Variants in MAGI2 observed in about 807,000 individuals in gnomAD.
MAGI2 encodes membrane associated guanylate kinase, WW and PDZ domain containing 2.
A neutral mutation model predicts 133.3 loss-of-function variants in MAGI2; 35 were observed. The observed-to-expected ratio is 0.26, with a 90% confidence interval of 0.20 to 0.35. The LOEUF is 0.35. Among genes scored for constraint, MAGI2 ranks in the 10% least tolerant of loss-of-function variants. MAGI2 has a pLI of 1.00. For missense variants in MAGI2, 1,636 were observed against 1,863.4 expected (o/e 0.88, Z 2.25); for synonymous variants, 729 against 710.6 (o/e 1.03, Z -0.41).
intron 3 of MAGI2, among the ~76,000 whole-genome samples, chr7:78,600,994 CT>C (rs1420526015): frequency 6.6e-6 from 1 of 152,086 alleles, no homozygotes; most frequent in African/African-American, 2.4e-5. Flanking sequence ...TGCTACTTAA[CT>C]TTTAAAAATA....
chr7:78,826,214 T>C (rs539740179), intron 2 of MAGI2, among the ~76,000 whole-genome samples: 26 of 150,808 alleles, frequency 1.7e-4, no homozygotes, highest in Non-Finnish European at 2.5e-4. Flanking sequence ...ATTAGCCAGG[T>C]GTGGTGGCAG....
At chr7:78,324,863 G>A (rs1310103325) in intron 9 of MAGI2, among the ~76,000 whole-genome samples, 1 of 152,184 alleles carries the variant, frequency 6.6e-6, no homozygotes, top group African/African-American at 2.4e-5. Flanking sequence ...CTACTTGGGA[G>A]GCTGAGGCAG....
intron 2 of MAGI2, among the ~76,000 whole-genome samples, chr7:78,855,058 T>C (rs1454700390): frequency 6.6e-6 from 1 of 151,978 alleles, no homozygotes; most frequent in Non-Finnish European, 1.5e-5. Flanking sequence ...GGTTTCGCCA[T>C]GTTGCCAGGC....
chr7:79,248,504 A>G (rs555828152), intron 1 of MAGI2, among the ~76,000 whole-genome samples: 77 of 152,286 alleles, frequency 5.1e-4, no homozygotes, highest in Non-Finnish European at 9.7e-4. Context: ...AATCTGCACT[A>G]TAGACCGAAT....
chr7:79,004,824 T>C (rs1349312818), intron 2 of MAGI2, among the ~76,000 whole-genome samples: 1 of 152,208 alleles, frequency 6.6e-6, no homozygotes, highest in Admixed American at 6.5e-5. Context: ...GGCTCACGCC[T>C]GTAATCCCAA....
intron 6 of MAGI2, among the ~76,000 whole-genome samples, chr7:78,434,737 T>C (rs1800118271): frequency 6.6e-6 from 1 of 151,930 alleles, no homozygotes; most frequent in African/African-American, 2.4e-5. Flanking sequence ...AAACTGAAAA[T>C]ATTGGAGATA....
intron 3 of MAGI2, among the ~76,000 whole-genome samples, chr7:78,530,116 A>G (rs781165731): frequency 5.3e-5 from 8 of 152,150 alleles, no homozygotes; most frequent in Non-Finnish European, 7.3e-5. Flanking sequence ...TTAAATTACT[A>G]TATTATCACC....
chr7:78,265,047 T>C (rs1793862020), intron 9 of MAGI2, among the ~76,000 whole-genome samples: 2 of 152,058 alleles, frequency 1.3e-5, no homozygotes, highest in Admixed American at 1.3e-4. Flanking sequence ...ATTTCATCTG[T>C]GTGACCCAGT....
At chr7:78,413,774 C>T (rs948522442) in intron 6 of MAGI2, among the ~76,000 whole-genome samples, 11 of 151,962 alleles carry the variant, frequency 7.2e-5, no homozygotes, top group African/African-American at 2.7e-4. Flanking sequence ...CTGTCACATG[C>T]TACACACGGG....
chr7:78,960,592 C>T (rs113221888), intron 2 of MAGI2, among the ~76,000 whole-genome samples: 8,384 of 152,150 alleles, frequency 0.055, 265 homozygotes, highest in Non-Finnish European at 0.079. Context: ...GTTGAGTTTT[C>T]AGATATTTTC....
rs151128673 is a variant in MAGI2 at position 79,064,795 on chromosome 7, G to A, written c.302-57589C>T. On this transcript the variant is annotated intron_variant, in intron 1 of 21. Coordinates refer to ENST00000354212, the MANE Select transcript of MAGI2 (RefSeq NM_012301.4). ...TCTGACTTTGTTGGTGGCTAGATTCGGCTGTTTCACTAGGTTGTAGATAAT... is the reference window on the plus strand; with the variant it reads ...TCTGACTTTGTTGGTGGCTAGATTCAGCTGTTTCACTAGGTTGTAGATAAT... 9.1e-3 allele frequency among the ~76,000 whole-genome samples: 1,391 copies of A among 152,082 alleles called. 12 individuals carry two copies. The highest frequency in any genetic ancestry group is 0.02 in the Middle Eastern group (6 of 294).
intron 2 of MAGI2, among the ~76,000 whole-genome samples, chr7:78,797,935 T>C (rs913068435): frequency 1.3e-5 from 2 of 152,122 alleles, no homozygotes; most frequent in African/African-American, 4.8e-5. Context: ...ATGTCCATTC[T>C]AATTCCAGAG....
intron 3 of MAGI2, among the ~76,000 whole-genome samples, chr7:78,542,749 T>C (rs533448341): frequency 5.3e-5 from 8 of 152,244 alleles, no homozygotes; most frequent in African/African-American, 1.9e-4. Flanking sequence ...CCTGAGAAGA[T>C]GACAGGAAGC....
intron 16 of MAGI2, among the ~76,000 whole-genome samples, chr7:78,138,201 C>G (rs1412593947): frequency 6.6e-6 from 1 of 152,224 alleles, no homozygotes; most frequent in East Asian, 1.9e-4. Flanking sequence ...GTATCTGGTG[C>G]TTTTATTTGA....
At chr7:78,669,165 G>A (rs1563327493) in intron 2 of MAGI2, among the ~76,000 whole-genome samples, 1 of 152,074 alleles carries the variant, frequency 6.6e-6, no homozygotes, top group Admixed American at 6.6e-5. Flanking sequence ...AAAATTGATA[G>A]ACCGATAGCA....
At chr7:78,872,820 T>C (rs1026798944) in intron 2 of MAGI2, among the ~76,000 whole-genome samples, 6 of 151,228 alleles carry the variant, frequency 4.0e-5, no homozygotes, top group Admixed American at 3.9e-4. Flanking sequence ...TTTTATGTTA[T>C]GTTATGAGAA....
intron 1 of MAGI2, among the ~76,000 whole-genome samples, chr7:79,135,985 A>AGAGAG (rs1821386954): frequency 2.4e-5 from 1 of 42,034 alleles, no homozygotes; most frequent in African/African-American, 4.8e-5. Flanking sequence ...GAAAGAAAGA[A>AGAGAG]AGAAAGAAAG....
intron 1 of MAGI2, among the ~76,000 whole-genome samples, chr7:79,432,894 G>A (rs1348606794): frequency 6.6e-6 from 1 of 152,190 alleles, no homozygotes; most frequent in Non-Finnish European, 1.5e-5. Context: ...GGAGATTAAG[G>A]AGAAATGGAG....
chr7:79,175,134 T>A (rs957506182), intron 1 of MAGI2, among the ~76,000 whole-genome samples: 1 of 151,940 alleles, frequency 6.6e-6, no homozygotes, highest in Non-Finnish European at 1.5e-5. Flanking sequence ...TTCATTTGAA[T>A]ATTTTTCAAT....
Sources: gnomAD v4.1 joint callset for allele counts (sites outside exome capture counted in the v4.1 genomes callset) on GRCh38, gnomAD v4.1.1 for gene constraint, MANE v1.5 for transcripts, NCBI Gene and HGNC (gene_info 2026-07-23, HGNC 2026-07-21) for gene names.